EML6: variants seen among roughly 807,000 people sequenced by gnomAD.
The protein encoded by EML6 is echinoderm microtubule-associated protein-like 6.
EML6 carries 154 observed loss-of-function variants against 240.1 expected under a neutral mutation model. The observed-to-expected ratio is 0.64, with a 90% CI of 0.56 to 0.73. The LOEUF is 0.73. EML6 is among the 30% of genes least tolerant of loss of function. The pLI, the probability that EML6 is intolerant of heterozygous loss-of-function variation, is 0.00. For synonymous variants in EML6, 1,148 were observed against 899.0 expected (o/e 1.28, Z -4.95); for missense variants, 2,964 against 2,474.6 (o/e 1.20, Z -4.20).
At chr2:54,936,337 C>A (rs34954881) in intron 28 of EML6, among the ~76,000 whole-genome samples, 4,411 of 152,284 alleles carry the variant, frequency 0.029, 81 homozygotes, top group East Asian at 0.04. Flanking sequence ...TTCCTAGTTA[C>A]ATCTGGTGGA....
intron 8 of EML6, among the ~76,000 whole-genome samples, chr2:54,845,969 C>T (rs1472887623): frequency 1.3e-5 from 2 of 152,248 alleles, no homozygotes; most frequent in African/African-American, 4.8e-5. Flanking sequence ...ACCACAATTG[C>T]ACCCAACATG....
intron 25 of EML6, among the ~76,000 whole-genome samples, chr2:54,916,468 A>G (rs1673914234): frequency 6.6e-6 from 1 of 151,530 alleles, no homozygotes; most frequent in African/African-American, 2.4e-5. Context: ...TTATACAATG[A>G]TAAATGTCTA....
At chr2:54,780,575 T>C (rs2103847829) in intron 2 of EML6, among the ~76,000 whole-genome samples, 1 of 152,322 alleles carries the variant, frequency 6.6e-6, no homozygotes, top group East Asian at 1.9e-4. Context: ...ATATTGGAGA[T>C]CTGGAGGAGA....
chr2:54,863,934 A>ATC (rs750576978), intron 13 of EML6, 45 bp downstream of exon 13: 4 of 1,043,256 alleles, frequency 3.8e-6, no homozygotes, highest in South Asian at 3.0e-5. Context: ...CCAGAAGGGG[A>ATC]TCTCATTCCT....
In EML6 at chr2:54,899,604, A is replaced by T. The variant is rs974764266; in HGVS notation, c.2983-37A>T. On this transcript the variant is annotated intron_variant, in intron 21 of 41. Coordinates refer to ENST00000356458, the MANE Select transcript of EML6 (RefSeq NM_001039753.4). ...TAAAGAAGGGCTAGCCAAACAGCAT[A>T]AGTAGAGTTTATGTTGCCCCTTTTC... 39 of 1,546,912 alleles carry T rather than the reference A, an allele frequency of 2.5e-5. 1 individual carries two copies. Among genetic ancestry groups the T allele is most frequent in the Non-Finnish European group, 3.3e-5 (38 of 1,144,432 alleles).
chr2:54,755,900 A>T (rs1029197340), intron 2 of EML6, among the ~76,000 whole-genome samples: 11 of 151,928 alleles, frequency 7.2e-5, no homozygotes, highest in South Asian at 2.1e-4. Context: ...TTAACCTCTT[A>T]ACCGCTGTTT....
chr2:54,850,143 A>G lies in EML6; in HGVS notation c.1369A>G (p.Ile457Val), dbSNP rs900044944. The stretch of plus-strand genomic sequence containing the variant: ...CAAGTCCCTTAGTTTCATCACGCAT[A>G]TTGACTGGTCCTTGGATAGTAAATA... ...CSKSLSFITHIDWSLDSKYLQ... is the reference protein window; with the variant it reads ...CSKSLSFITHVDWSLDSKYLQ... Residue 457 changes from isoleucine to valine, a missense_variant, in exon 10 of 42, where the codon ATT becomes GTT. Coordinates refer to ENST00000356458, the MANE Select transcript of EML6 (RefSeq NM_001039753.4). 11 of 1,551,710 alleles carry G rather than the reference A, an allele frequency of 7.1e-6. No individual in the cohort carries two copies. Among genetic ancestry groups the G allele is most frequent in the African/African-American group, 6.8e-5 (5 of 73,064 alleles).
chr2:54,806,173 T>G (rs761620705), intron 2 of EML6, among the ~76,000 whole-genome samples: 12 of 152,176 alleles, frequency 7.9e-5, no homozygotes, highest in Non-Finnish European at 1.6e-4. Context: ...TTTAGATCTT[T>G]TCTCCTTAGG....
At chr2:54,952,891 G>T (rs1417333830) in intron 31 of EML6, among the ~76,000 whole-genome samples, 199 bp downstream of exon 31, 1 of 152,188 alleles carries the variant, frequency 6.6e-6, no homozygotes, top group Non-Finnish European at 1.5e-5. Flanking sequence ...GGACCATAAA[G>T]TCTGACCAGC....
At chr2:54,924,372 A>G (rs1271027441) in intron 26 of EML6, among the ~76,000 whole-genome samples, 3 of 28,568 alleles carry the variant, frequency 1.1e-4, no homozygotes, top group Non-Finnish European at 1.5e-4. Flanking sequence ...TTTGTCATCT[A>G]TTTACTATTT....
intron 17 of EML6, chr2:54,881,306 CAAAT>C (rs1392475582): frequency 4.6e-5 from 7 of 152,012 alleles, no homozygotes; most frequent in Non-Finnish European, 1.0e-4. Context: ...GAAATTTAGA[CAAAT>C]AAATAAAGCT....
At chr2:54,870,303 A>G (rs1192971384) in intron 15 of EML6, among the ~76,000 whole-genome samples, 2 of 149,956 alleles carry the variant, frequency 1.3e-5, no homozygotes, top group African/African-American at 4.8e-5. Context: ...TTGGGGGAAA[A>G]AGGATCCATA....
At chr2:54,847,043 G>A (rs1200043534) in intron 8 of EML6, among the ~76,000 whole-genome samples, 3 of 151,050 alleles carry the variant, frequency 2.0e-5, no homozygotes, top group Non-Finnish European at 4.4e-5. Flanking sequence ...AAGTAGCTGG[G>A]GCTACAGGCA....
In EML6 at chr2:54,968,222, G is replaced by A. The variant is rs745934046; in HGVS notation, c.5692G>A (p.Val1898Ile). Reference sequence around the variant, plus strand: ...TGTGACCCACGCTGGCCTGAACATTGTCACAGGAGATGACTTTGGGCTGGT... The same window carrying A: ...TGTGACCCACGCTGGCCTGAACATTATCACAGGAGATGACTTTGGGCTGGT... ...ACVTHAGLNI[V>I]TGDDFGLVKL... is the part of the protein sequence containing the mutation. The change falls in exon 40 of 42, where the codon GTC (valine) becomes ATC (isoleucine). Residue 1898 changes from valine to isoleucine, a missense_variant. Val to Ile is a conservative substitution (Grantham distance 29, BLOSUM62 3). Coordinates refer to ENST00000356458, the MANE Select transcript of EML6 (RefSeq NM_001039753.4). The A allele has an allele frequency of 1.0e-5, 16 of 1,551,648 alleles. 1 individual carries two copies. The Admixed American group carries it at 2.2e-4, about 21-fold the overall frequency.
chr2:54,917,639 G>A (rs1673995223), intron 26 of EML6, among the ~76,000 whole-genome samples: 1 of 152,152 alleles, frequency 6.6e-6, no homozygotes, highest in African/African-American at 2.4e-5. Context: ...GGGATTATGG[G>A]CGTGAGCCAC....
chr2:54,843,360 T>TC (rs1434619615), intron 7 of EML6, among the ~76,000 whole-genome samples: 1 of 151,912 alleles, frequency 6.6e-6, no homozygotes, highest in Non-Finnish European at 1.5e-5. Context: ...GCCCCGGAAG[T>TC]CGAGGCTTCA....
rs1225099694 is a variant in EML6 at position 54,847,643 on chromosome 2, A to G, written c.1187+20A>G. The G allele has an allele frequency of 6.4e-6, 10 of 1,551,098 alleles. No homozygotes were observed. In the South Asian group the frequency reaches 1.1e-4, roughly 17 times the overall value. On this transcript the variant is annotated intron_variant, in intron 9 of 41. Coordinates refer to ENST00000356458, the MANE Select transcript of EML6 (RefSeq NM_001039753.4). ...AGTCAGGCACGTACTGATGTTGAAA[A>G]TGGTATTTAGAAATGCTCTCGTGTT...
intron 2 of EML6, among the ~76,000 whole-genome samples, chr2:54,749,625 A>G (rs1558524153): frequency 2.0e-5 from 3 of 152,118 alleles, no homozygotes; most frequent in Admixed American, 6.5e-5. Flanking sequence ...TTTTGCATAC[A>G]TTACCTTATT....
chr2:54,928,656 C>T lies in EML6; in HGVS notation c.3909C>T (p.Ala1303=), dbSNP rs1558696187. Residue 1303 remains alanine (A), a synonymous_variant, in exon 28 of 42, where the codon GCC becomes GCT. Coordinates refer to ENST00000356458, the MANE Select transcript of EML6 (RefSeq NM_001039753.4). ...ACAGCGATGTTGCTAGAGAAAAGGC[C>T]ATTGACTACACCACCAAGATTTATG... ...GYDSDVAREK[A]IDYTTKIYAV... 1 of 1,552,066 alleles carries T rather than the reference C, an allele frequency of 6.4e-7. No individual in the cohort carries two copies. Among genetic ancestry groups the T allele is most frequent in the Non-Finnish European group, 8.7e-7 (1 of 1,147,062 alleles).
Sources: allele counts gnomAD v4.1 joint callset (sites outside exome capture counted in the v4.1 genomes callset), GRCh38; gene constraint gnomAD v4.1.1; transcripts MANE v1.5; gene names NCBI Gene and HGNC (gene_info 2026-07-23, HGNC 2026-07-21).